The following AKAP12 variants were observed in gnomAD, a reference collection of about 807,000 sequenced individuals.
The protein encoded by AKAP12 is A-kinase anchoring protein 12, also known as A-kinase anchor protein 12.
In AKAP12, 32 loss-of-function variants were observed where a neutral mutation model predicts 79.9. The ratio of observed to expected loss-of-function variants is 0.40; its 90% CI spans 0.30 to 0.54. AKAP12 has a LOEUF of 0.54. Ranked by LOEUF, AKAP12 falls within the 20% of genes least tolerant of loss-of-function variation. The probability of loss-of-function intolerance (pLI) is 0.48; values close to 1 mark genes in which losing one functional copy is unlikely to be tolerated. For synonymous variants in AKAP12, 808 were observed against 857.0 expected (o/e 0.94, Z 1.00); for missense variants, 2,074 against 2,177.0 (o/e 0.95, Z 0.94).
At position 151,358,352 on chromosome 6, in the gene AKAP12, CATAG is replaced by C. The variant is rs1206155269; in HGVS notation, c.*2642_*2645del. Reference sequence around the variant, plus strand: ...TACCCATGAGTTGCCTCTCTCTGTACATAGATAAATTGTTCCAATATTTTCCTTT... The same window carrying C: ...TACCCATGAGTTGCCTCTCTCTGTACATAAATTGTTCCAATATTTTCCTTT... On this transcript the variant is annotated 3_prime_UTR_variant, in exon 5 of 5. Coordinates refer to ENST00000402676, the MANE Select transcript of AKAP12 (RefSeq NM_005100.4). 2 of 152,184 alleles carry C rather than the reference CATAG, an allele frequency of 1.3e-5. No individual in the cohort carries two copies. The highest frequency in any genetic ancestry group is 4.8e-5 in the African/African-American group (2 of 41,440). The allele number at this position is 152,184 out of a possible 1,614,324, so 9.4% of individuals were successfully genotyped here.
At position 151,282,655 on chromosome 6, in the gene AKAP12, C is replaced by G. The variant is rs34866979; in HGVS notation, c.163-23092C>G. ...GCCAGAGGAGGGCCAGAATGGGGCT[C>G]TCCGCAGTGAGGGGCTCTGCCTGGG... On this transcript the variant is annotated intron_variant, in intron 2 of 4. Coordinates refer to ENST00000402676, the MANE Select transcript of AKAP12 (RefSeq NM_005100.4). Among the ~76,000 whole-genome samples, 1,217 of 152,254 alleles carry G rather than the reference C, an allele frequency of 8.0e-3. 11 individuals carry two copies. Among genetic ancestry groups the G allele is most frequent in the Middle Eastern group, 0.017 (5 of 294 alleles).
At chr6:151,278,715 T>C (rs1172989796) in intron 2 of AKAP12, among the ~76,000 whole-genome samples, 1 of 151,914 alleles carries the variant, frequency 6.6e-6, no homozygotes, top group Non-Finnish European at 1.5e-5. Context: ...TCACCCAGGC[T>C]GGAGTGCAGT....
At chr6:151,255,432 A>G (rs993699860) in intron 2 of AKAP12, among the ~76,000 whole-genome samples, 6 of 151,768 alleles carry the variant, frequency 4.0e-5, no homozygotes, top group Non-Finnish European at 5.9e-5. Context: ...AAGTGCTGGG[A>G]TTACAGGCGT....
In AKAP12 at chr6:151,349,108, C is replaced by G. The variant is rs751348949; in HGVS notation, c.717C>G (p.Pro239=). ...ESEPKQSTEK[P]EETLKREQSH... is the part of the protein sequence containing the mutation. The stretch of plus-strand genomic sequence containing the variant: ...AACCCAAACAATCTACAGAGAAACC[C>G]GAAGAGACCCTGAAGCGTGAGCAAA... The change falls in exon 4 of 5, where the codon CCC becomes CCG. Residue 239 remains proline, a synonymous_variant. Coordinates refer to ENST00000402676, the MANE Select transcript of AKAP12 (RefSeq NM_005100.4). The G allele has an allele frequency of 6.2e-7, 1 of 1,612,940 alleles. No homozygotes were observed. The highest frequency in any genetic ancestry group is 1.3e-5 in the African/African-American group (1 of 74,796).
At chr6:151,259,840 G>A (rs994320278) in intron 2 of AKAP12, among the ~76,000 whole-genome samples, 1 of 151,522 alleles carries the variant, frequency 6.6e-6, no homozygotes, top group African/African-American at 2.4e-5. Flanking sequence ...GCCTCCCAAA[G>A]CGCCGGGATT....
At position 151,352,719 on chromosome 6, in the gene AKAP12, C is replaced by T. The variant is rs760044084; in HGVS notation, c.4328C>T (p.Thr1443Met). The change falls in exon 4 of 5, where the codon ACG (threonine) becomes ATG (methionine). Residue 1443 changes from threonine (T) to methionine (M), a missense_variant. Transcript: ENST00000402676. ...GCCAACATTTTAGAAACAGGTGAAACGTTGGAGCCTGCAGGTGCACATTTA... is the reference window on the plus strand; with the variant it reads ...GCCAACATTTTAGAAACAGGTGAAATGTTGGAGCCTGCAGGTGCACATTTA... ...ETANILETGE[T>M]LEPAGAHLVL... 3 of 1,614,160 alleles carry T rather than the reference C, an allele frequency of 1.9e-6. No individual in the cohort carries two copies. Among genetic ancestry groups the T allele is most frequent in the South Asian group, 1.1e-5 (1 of 91,078 alleles).
chr6:151,284,323 A>T (rs960840627), intron 2 of AKAP12, among the ~76,000 whole-genome samples: 6 of 152,154 alleles, frequency 3.9e-5, no homozygotes, highest in Non-Finnish European at 7.4e-5. Flanking sequence ...ATTGCCTGAC[A>T]TGAGATAAAT....
intron 2 of AKAP12, among the ~76,000 whole-genome samples, chr6:151,260,182 C>T (rs1398972411): frequency 6.6e-6 from 1 of 152,148 alleles, no homozygotes; most frequent in Non-Finnish European, 1.5e-5. Context: ...TGTTTTTGGG[C>T]ACTTACACAT....
chr6:151,327,142 T>C (rs922292780), intron 3 of AKAP12, among the ~76,000 whole-genome samples: 1 of 148,442 alleles, frequency 6.7e-6, no homozygotes, highest in Non-Finnish European at 1.5e-5. Flanking sequence ...TTTAATCAAC[T>C]GTAGAATTTC....
intron 3 of AKAP12, among the ~76,000 whole-genome samples, chr6:151,313,129 C>A (rs1777155213): frequency 2.0e-5 from 3 of 152,172 alleles, no homozygotes; most frequent in Admixed American, 2.0e-4. Flanking sequence ...TCAGCACTGA[C>A]AAAGCCAGAC....
chr6:151,270,738 A>G (rs1463193376), intron 2 of AKAP12, among the ~76,000 whole-genome samples: 1 of 151,898 alleles, frequency 6.6e-6, no homozygotes, highest in Non-Finnish European at 1.5e-5. Context: ...GTGAAGTGGC[A>G]TCTCACTGTG....
In AKAP12 at chr6:151,351,604, A is replaced by G. The variant is rs1778292709; in HGVS notation, c.3213A>G (p.Arg1071=). 1.9e-6 allele frequency: 3 copies of G among 1,614,160 alleles called. No homozygotes were observed. The highest frequency in any genetic ancestry group is 3.3e-4 in the Middle Eastern group (2 of 6,062). The change falls in exon 4 of 5, where the codon AGA becomes AGG. Residue 1071 remains arginine (R), a synonymous_variant. Coordinates refer to ENST00000402676, the MANE Select transcript of AKAP12 (RefSeq NM_005100.4). This position sits in a 1 kb window ranked among gnomAD's most constrained non-coding sequence, Gnocchi z 4.4. ...AAGATGTGCTTCAGCCTGTGCAGAG[A>G]GCAGAGGCAGAAAGACCAGAAGAGC... ...GPEDVLQPVQ[R]AEAERPEEQA... is the part of the protein sequence containing the mutation.
chr6:151,300,940 T>A (rs938934015), intron 2 of AKAP12, among the ~76,000 whole-genome samples: 1 of 152,146 alleles, frequency 6.6e-6, no homozygotes, highest in Non-Finnish European at 1.5e-5. Flanking sequence ...CAAGTCTAGT[T>A]CTCATCTCAA....
chr6:151,248,782 G>A (rs1333208585), intron 2 of AKAP12, among the ~76,000 whole-genome samples: 2 of 152,168 alleles, frequency 1.3e-5, no homozygotes, highest in African/African-American at 2.4e-5. Flanking sequence ...GAGGTCAGCA[G>A]TTCAAGACCA....
intron 2 of AKAP12, among the ~76,000 whole-genome samples, chr6:151,269,912 C>T (rs375495898): frequency 6.6e-6 from 1 of 152,152 alleles, no homozygotes; most frequent in Non-Finnish European, 1.5e-5. Context: ...ACCACAGAGC[C>T]AAATCTGTCT....
chr6:151,240,235 G>C (rs995164827), intron 1 of AKAP12, 149 bp from the exon 2 acceptor site: 10 of 210,678 alleles, frequency 4.7e-5, no homozygotes, highest in Middle Eastern at 3.1e-3. Context: ...CTGGCGCGTC[G>C]CAGCGCCTCT....
chr6:151,294,251 C>T (rs1203274001), intron 2 of AKAP12, among the ~76,000 whole-genome samples: 5 of 152,148 alleles, frequency 3.3e-5, no homozygotes, highest in Non-Finnish European at 5.9e-5. Context: ...GGATTACAGG[C>T]GTGAGCCACC....
intron 2 of AKAP12, among the ~76,000 whole-genome samples, chr6:151,285,567 TTC>T (rs1776488352): frequency 6.6e-6 from 1 of 152,060 alleles, no homozygotes; most frequent in South Asian, 2.1e-4. Flanking sequence ...TTGCGGTGAC[TTC>T]TCTGGTTGTA....
In AKAP12 at chr6:151,342,550, T is replaced by A. The variant is rs529280565; in HGVS notation, c.320-6161T>A. Among the ~76,000 whole-genome samples, 240 of 152,296 alleles carry A rather than the reference T, an allele frequency of 1.6e-3. 1 individual carries two copies. Among genetic ancestry groups the A allele is most frequent in the Non-Finnish European group, 2.7e-3 (183 of 68,014 alleles). On this transcript the variant is annotated intron_variant, in intron 3 of 4. Coordinates refer to ENST00000402676, the MANE Select transcript of AKAP12 (RefSeq NM_005100.4). ...CACAGAGGGTACGTGGAGGCCGAAATCAGGCTGAAGCACAAAGCATGGAGG... is the reference window on the plus strand; with the variant it reads ...CACAGAGGGTACGTGGAGGCCGAAAACAGGCTGAAGCACAAAGCATGGAGG...
Sources: gnomAD v4.1 joint callset for allele counts (sites outside exome capture counted in the v4.1 genomes callset) on GRCh38, gnomAD v4.1.1 for gene constraint, Gnocchi (gnomAD v3.1) non-coding constraint, MANE v1.5 for transcripts, NCBI Gene and HGNC (gene_info 2026-07-23, HGNC 2026-07-21) for gene names.